Variants in SPIDR observed in about 807,000 individuals in gnomAD.
SPIDR encodes the protein DNA repair-scaffolding protein.
SPIDR carries 93 observed loss-of-function variants against 104.6 expected under a neutral mutation model. The ratio of observed to expected loss-of-function variants is 0.89; its 90% CI spans 0.75 to 1.06. The LOEUF is 1.06. SPIDR is among the 50% of genes least tolerant of loss of function. SPIDR has a pLI of 0.00. For missense variants in SPIDR, 1,154 were observed against 1,111.2 expected (o/e 1.04, Z -0.55); for synonymous variants, 431 against 416.9 (o/e 1.03, Z -0.41).
chr8:47,481,021 AGATT>A lies in SPIDR; in HGVS notation c.1097+40481_1097+40484del, dbSNP rs781928324. 3.9e-5 allele frequency among the ~76,000 whole-genome samples: 6 copies of A among 152,356 alleles called. No homozygotes were observed. The East Asian group carries it at 1.2e-3, about 29-fold the overall frequency. On this transcript the variant is annotated intron_variant, in intron 8 of 19. Coordinates refer to ENST00000297423, the MANE Select transcript of SPIDR (RefSeq NM_001080394.4). ...ATTGGCAAAGCCAGCTGCCATGATG[AGATT>A]GTTGAATAGTGATGGTGGTAATGGC...
intron 11 of SPIDR, among the ~76,000 whole-genome samples, chr8:47,699,240 C>G (rs1394490817): frequency 6.6e-6 from 1 of 152,174 alleles, no homozygotes; most frequent in African/African-American, 2.4e-5. Flanking sequence ...AGCGTAGAAA[C>G]CTTAGTAGGT....
At chr8:47,277,360 G>A (rs369506064) in intron 1 of SPIDR, among the ~76,000 whole-genome samples, 2 of 121,738 alleles carry the variant, frequency 1.6e-5, no homozygotes, top group Non-Finnish European at 3.8e-5. Context: ...GTTATGTTAT[G>A]TTATGTTATG....
chr8:47,575,705 T>C (rs1378520299), intron 8 of SPIDR, among the ~76,000 whole-genome samples: 2 of 150,070 alleles, frequency 1.3e-5, no homozygotes, highest in African/African-American at 4.9e-5. Flanking sequence ...CTCACACTTG[T>C]AATCCCAGCC....
intron 16 of SPIDR, among the ~76,000 whole-genome samples, chr8:47,719,534 A>G (rs1290231023): frequency 6.6e-6 from 1 of 152,052 alleles, no homozygotes; most frequent in African/African-American, 2.4e-5. Context: ...AAAGCATATA[A>G]GCACCAGTTG....
intron 8 of SPIDR, chr8:47,511,103 G>C: frequency 1.4e-6 from 2 of 1,415,358 alleles, no homozygotes; most frequent in Non-Finnish European, 2.0e-6. Context: ...TCGTCAGCCA[G>C]CTCTTTGTTT....
At chr8:47,430,773 T>A (rs2067222081) in intron 7 of SPIDR, among the ~76,000 whole-genome samples, 1 of 152,262 alleles carries the variant, frequency 6.6e-6, no homozygotes, top group Non-Finnish European at 1.5e-5. Flanking sequence ...AATTCTGTAC[T>A]TTGTCATTAG....
intron 10 of SPIDR, chr8:47,659,649 C>G (rs1162322668): frequency 1.1e-6 from 1 of 946,738 alleles, no homozygotes; most frequent in Non-Finnish European, 1.3e-6. Context: ...CGCTCTGGCC[C>G]TTCTCGCCCC....
chr8:47,667,610 GA>G (rs1003698501), intron 10 of SPIDR, among the ~76,000 whole-genome samples: 2 of 151,760 alleles, frequency 1.3e-5, no homozygotes, highest in African/African-American at 4.8e-5. Context: ...AAAGAAAATG[GA>G]AAAAAAGATT....
At chr8:47,500,595 C>T (rs1012566521) in intron 8 of SPIDR, among the ~76,000 whole-genome samples, 1 of 152,088 alleles carries the variant, frequency 6.6e-6, no homozygotes, top group Non-Finnish European at 1.5e-5. Context: ...CTTAGGTTGC[C>T]TGTTCACTCT....
At chr8:47,280,115 T>G in intron 2 of SPIDR, 98 bp downstream of exon 2, 1 of 1,283,972 alleles carries the variant, frequency 7.8e-7, no homozygotes, top group Non-Finnish European at 1.1e-6. Context: ...CCCTTTCTTA[T>G]TCTTTCAGAA....
chr8:47,576,979 A>T (rs543713045), intron 8 of SPIDR, among the ~76,000 whole-genome samples: 1 of 152,294 alleles, frequency 6.6e-6, no homozygotes, highest in East Asian at 1.9e-4. Context: ...CCTGGAGAAA[A>T]ATGTGTAATG....
chr8:47,706,371 C>T (rs2081084888), intron 14 of SPIDR, among the ~76,000 whole-genome samples: 1 of 152,062 alleles, frequency 6.6e-6, no homozygotes, highest in South Asian at 2.1e-4. Flanking sequence ...CCAGCCTGGG[C>T]GACAGAGTGA....
chr8:47,566,504 G>A (rs2057869808), intron 8 of SPIDR, among the ~76,000 whole-genome samples: 1 of 152,070 alleles, frequency 6.6e-6, no homozygotes, highest in Non-Finnish European at 1.5e-5. Flanking sequence ...AGACAGTAGG[G>A]ATACTCAGTC....
intron 1 of SPIDR, among the ~76,000 whole-genome samples, chr8:47,271,507 G>C (rs1236426831): frequency 1.3e-5 from 2 of 151,972 alleles, no homozygotes; most frequent in African/African-American, 4.8e-5. Context: ...CTCCTCTGGT[G>C]CATTCTTCAT....
chr8:47,375,055 C>A (rs2058487142), intron 5 of SPIDR, among the ~76,000 whole-genome samples: 4 of 151,790 alleles, frequency 2.6e-5, no homozygotes. Flanking sequence ...ACTTGGTCCA[C>A]CTCTTCCCCC....
chr8:47,719,495 C>G (rs1042442709), intron 16 of SPIDR, among the ~76,000 whole-genome samples: 1 of 151,398 alleles, frequency 6.6e-6, no homozygotes, highest in African/African-American at 2.4e-5. Context: ...GGCGACAGAG[C>G]GAGACTCCGT....
chr8:47,502,361 A>C (rs2080645277), intron 8 of SPIDR, among the ~76,000 whole-genome samples: 2 of 152,156 alleles, frequency 1.3e-5, no homozygotes, highest in Non-Finnish European at 2.9e-5. Context: ...TTCCTGGTTT[A>C]GTCTTGGGAG....
At chr8:47,730,247 T>C (rs75115225) in intron 19 of SPIDR, among the ~76,000 whole-genome samples, 1 of 152,260 alleles carries the variant, frequency 6.6e-6, no homozygotes, top group East Asian at 1.9e-4. Context: ...CCTAAATATA[T>C]AATTGATGGG....
At chr8:47,655,486 C>T (rs2072585060) in intron 10 of SPIDR, among the ~76,000 whole-genome samples, 1 of 152,180 alleles carries the variant, frequency 6.6e-6, no homozygotes, top group South Asian at 2.1e-4. Context: ...TGATGATGAG[C>T]ATTTTTTCAT....
Sources: gnomAD v4.1 joint callset for allele counts (sites outside exome capture counted in the v4.1 genomes callset) on GRCh38, gnomAD v4.1.1 for gene constraint, MANE v1.5 for transcripts, NCBI Gene and HGNC (gene_info 2026-07-23, HGNC 2026-07-21) for gene names.